ITGA10: variants seen among roughly 807,000 people sequenced by gnomAD.
The protein encoded by ITGA10 is integrin subunit alpha 10.
A neutral mutation model predicts 145.2 loss-of-function variants in ITGA10; 105 were observed. That is an observed-to-expected ratio of 0.72 (90% confidence interval 0.62 to 0.85). The LOEUF (loss-of-function observed/expected upper bound fraction) is 0.85. ITGA10 is among the 40% of genes least tolerant of loss of function. The pLI is 0.00. For synonymous variants in ITGA10, 506 were observed against 557.8 expected (o/e 0.91, Z 1.31); for missense variants, 1,317 against 1,444.5 (o/e 0.91, Z 1.43).
Position 145,897,858 on chromosome 1 carries a change from T to C in ITGA10, c.2389A>G (p.Thr797Ala), listed in dbSNP as rs782497241. 7 of 1,614,032 alleles carry C rather than the reference T, an allele frequency of 4.3e-6. No homozygotes were observed. Among genetic ancestry groups the C allele is most frequent in the Non-Finnish European group, 5.9e-6 (7 of 1,180,008 alleles). Residue 797 changes from threonine to alanine, a missense_variant, in exon 19 of 30, where the codon ACA becomes GCA. Thr to Ala is a moderately conservative substitution (Grantham distance 58). Transcript: ENST00000369304. ...ATATTCACTTGAAGCACCAGGTCTG[T>C]GACACATTCATTGTCAGGGCCACAA... ...KDCGPDNECV[T>A]DLVLQVNMDI...
At chr1:145,909,820 CA>C (rs1570926009) in intron 1 of ITGA10, 142 bp downstream of exon 1, 1 of 697,210 alleles carries the variant, frequency 1.4e-6, no homozygotes, top group East Asian at 2.7e-5. Flanking sequence ...TGCACAAGGA[CA>C]CAGACACACA....
Position 145,895,721 on chromosome 1 carries a change from G to A in ITGA10, c.3034-10C>T, listed in dbSNP as rs1553744769. The A allele has an allele frequency of 2.5e-6, 4 of 1,614,006 alleles. No individual in the cohort carries two copies. The South Asian group carries it at 4.4e-5, about 18-fold the overall frequency. On this transcript the variant is annotated splice_polypyrimidine_tract_variant and intron_variant, in intron 25 of 29. Transcript: ENST00000369304. ...GCACTATGCAGCTTGCCTAGAGGAA[G>A]ATCCAACTTGAAAGACCCTCCTGAT...
Position 145,892,816 on chromosome 1 carries a change from TTC to T in ITGA10, c.3484_3485del (p.Glu1162ArgfsTer10). The T allele has an allele frequency of 6.2e-7, 1 of 1,613,656 alleles. No individual in the cohort carries two copies. Among genetic ancestry groups the T allele is most frequent in the African/African-American group, 1.3e-5 (1 of 75,024 alleles). ...HKKIPEEEKR[E>X]EKLEQ Reference sequence around the variant, plus strand: ...TCTACATTCATTGCTCCAACTTCTCTTCTCTTTTTTCTTCCTCAGGGATTTTC... The same window carrying T: ...TCTACATTCATTGCTCCAACTTCTCTTCTTTTTTCTTCCTCAGGGATTTTC... On this transcript the variant is annotated frameshift_variant, in exon 30 of 30. Coordinates refer to ENST00000369304, the MANE Select transcript of ITGA10 (RefSeq NM_003637.5). LOFTEE classifies it high-confidence loss of function.
chr1:145,907,370 C>T lies in ITGA10; in HGVS notation c.148G>A (p.Gly50Arg). ...EFGYSVLQHV[G>R]GGQRWMLVGA... ...CTTCCTCACCATCGCTGTCCACCCC[C>T]AACATGTTGTAAGACACTGTATCCA... The change falls in exon 2 of 30, where the codon GGG becomes AGG. Residue 50 changes from glycine (G) to arginine (R), a missense_variant. Transcript: ENST00000369304. The T allele has an allele frequency of 1.2e-6, 2 of 1,614,188 alleles. No individual in the cohort carries two copies. The highest frequency in any genetic ancestry group is 1.7e-6 in the Non-Finnish European group (2 of 1,180,026).
In ITGA10 at chr1:145,904,683, C is replaced by T. The variant is rs1553750488; in HGVS notation, c.609+1G>A. ...GCCCAGCTCATATTGCCTTCTCTTA[C>T]CTGTATCTGTTCTGGGTCAATAAAC... On this transcript the variant is annotated splice_donor_variant, in intron 6 of 29. Coordinates refer to ENST00000369304, the MANE Select transcript of ITGA10 (RefSeq NM_003637.5). LOFTEE classifies it high-confidence loss of function. 6.2e-7 allele frequency: 1 copy of T among 1,613,796 alleles called. No individual in the cohort carries two copies. The highest frequency in any genetic ancestry group is 8.5e-7 in the Non-Finnish European group (1 of 1,179,880).
At chr1:145,909,580 TTA>T (rs61635865) in intron 1 of ITGA10, among the ~76,000 whole-genome samples, 7 of 118,772 alleles carry the variant, frequency 5.9e-5, no homozygotes, top group African/African-American at 2.4e-4. Flanking sequence ...TAATATATAA[TTA>T]TGTTACATAT....
Position 145,902,634 on chromosome 1 carries a change from G to A in ITGA10, c.910-15C>T. ...TGACCAAGGACCTAAGAGGTCATAA[G>A]ATCAAGGAATGAGGCATTAGAGTTG... On this transcript the variant is annotated splice_polypyrimidine_tract_variant and intron_variant, in intron 8 of 29. Coordinates refer to ENST00000369304, the MANE Select transcript of ITGA10 (RefSeq NM_003637.5). 1 of 1,586,212 alleles carries A rather than the reference G, an allele frequency of 6.3e-7. No individual in the cohort carries two copies. Among genetic ancestry groups the A allele is most frequent in the South Asian group, 1.2e-5 (1 of 85,060 alleles).
chr1:145,904,604 G>T, intron 6 of ITGA10, 80 bp downstream of exon 6: 2 of 1,488,816 alleles, frequency 1.3e-6, no homozygotes, highest in African/African-American at 1.4e-5. Flanking sequence ...TGAACTCCTG[G>T]CCTCAGGGGA....
Position 145,904,216 on chromosome 1 carries a change from A to C in ITGA10, c.610-16T>G. ...CCAGTCCCACCTGGGAATAAAGCGCATTCAAATGAAATGTATGTATGTGAG... is the reference window on the plus strand; with the variant it reads ...CCAGTCCCACCTGGGAATAAAGCGCCTTCAAATGAAATGTATGTATGTGAG... On this transcript the variant is annotated splice_polypyrimidine_tract_variant and intron_variant, in intron 6 of 29. Transcript: ENST00000369304. 1.2e-6 allele frequency: 2 copies of C among 1,613,734 alleles called. No homozygotes were observed. The highest frequency in any genetic ancestry group is 1.7e-6 in the Non-Finnish European group (2 of 1,179,626).
chr1:145,899,128 G>A (rs587702393), intron 16 of ITGA10, 47 bp downstream of exon 16: 1 of 1,614,112 alleles, frequency 6.2e-7, no homozygotes, highest in Non-Finnish European at 8.5e-7. Flanking sequence ...AGTGAGGAAG[G>A]CATGCAAGGA....
intron 7 of ITGA10, among the ~76,000 whole-genome samples, chr1:145,903,839 G>A (rs587754476): frequency 3.9e-5 from 6 of 151,980 alleles, no homozygotes; most frequent in Middle Eastern, 3.4e-3. Flanking sequence ...ACAGGCATGC[G>A]CCACCATGCC....
intron 18 of ITGA10, 31 bp downstream of exon 18, chr1:145,898,079 G>C: frequency 6.6e-7 from 1 of 1,512,122 alleles, no homozygotes; most frequent in Non-Finnish European, 9.2e-7. Context: ...GGCAGTGTTG[G>C]GAGCAAGGGG....
intron 19 of ITGA10, 52 bp from the exon 20 acceptor site, chr1:145,897,705 A>G (rs368949239): frequency 8.7e-6 from 14 of 1,613,118 alleles, no homozygotes; most frequent in Admixed American, 3.3e-5. Flanking sequence ...GGGAGTGCCA[A>G]AAGTCTCACT....
Position 145,899,456 on chromosome 1 carries a change from T to C in ITGA10, c.1923-115A>G, listed in dbSNP as rs1655921494. The C allele has an allele frequency of 5.2e-6, 6 of 1,143,312 alleles. No individual in the cohort carries two copies. In the South Asian group the frequency reaches 8.7e-5, roughly 17 times the overall value. 70.8% of individuals were successfully genotyped at this position (1,143,312 alleles called of 1,614,324 possible). On this transcript the variant is annotated intron_variant, in intron 15 of 29. Transcript: ENST00000369304. ...CAAAGAAGGAGGGGCTGAATGCACA[T>C]GTCACCCTCCCCCGAACCCTCTGAC...
Position 145,902,001 on chromosome 1 carries a change from C to T in ITGA10, c.1170G>A (p.Met390Ile), listed in dbSNP as rs1553748920. ...HRLKDGILFG[M>I]VGAYDWGGSV... Reference sequence around the variant, plus strand: ...AGCCTCCCCAGTCATAGGCCCCCACCATCCCAAAAAGAATCCCATCCTGTG... The same window carrying T: ...AGCCTCCCCAGTCATAGGCCCCCACTATCCCAAAAAGAATCCCATCCTGTG... The change falls in exon 11 of 30, where the codon ATG becomes ATA. Residue 390 changes from methionine to isoleucine, a missense_variant. Transcript: ENST00000369304. 2 of 1,614,004 alleles carry T rather than the reference C, an allele frequency of 1.2e-6. No homozygotes were observed. The highest frequency in any genetic ancestry group is 1.7e-6 in the Non-Finnish European group (2 of 1,180,018).
Position 145,907,456 on chromosome 1 carries a change from G to A in ITGA10, c.62C>T (p.Ser21Phe), listed in dbSNP as rs868977455. The A allele has an allele frequency of 6.2e-7, 1 of 1,614,110 alleles. No homozygotes were observed. Among genetic ancestry groups the A allele is most frequent in the East Asian group, 2.2e-5 (1 of 44,878 alleles). Reference protein sequence around the residue: ...LPLVFLTGLCSPFNLDEHHPR... With the variant: ...LPLVFLTGLCFPFNLDEHHPR... ...GTGATGTTCATCCAGGTTAAAGGGGGAGCAGAGACCTGTGGGGTCAGGATC... is the reference window on the plus strand; with the variant it reads ...GTGATGTTCATCCAGGTTAAAGGGGAAGCAGAGACCTGTGGGGTCAGGATC... Residue 21 changes from serine (S) to phenylalanine (F), a missense_variant, in exon 2 of 30, where the codon TCC becomes TTC. Coordinates refer to ENST00000369304, the MANE Select transcript of ITGA10 (RefSeq NM_003637.5).
chr1:145,895,887 G>C, intron 25 of ITGA10, 96 bp downstream of exon 25: 1 of 1,080,858 alleles, frequency 9.3e-7, no homozygotes, highest in African/African-American at 1.6e-5. Flanking sequence ...CCCAAGAGCA[G>C]AGGCCCAACA....
In ITGA10 at chr1:145,897,539, G is replaced by T; in HGVS notation, c.2547C>A (p.Asn849Lys). 1 of 1,614,050 alleles carries T rather than the reference G, an allele frequency of 6.2e-7. No homozygotes were observed. The highest frequency in any genetic ancestry group is 8.5e-7 in the Non-Finnish European group (1 of 1,180,016). The change falls in exon 20 of 30, where the codon AAC becomes AAA. Residue 849 changes from asparagine (N) to lysine (K), a missense_variant. Transcript: ENST00000369304. Reference sequence around the variant, plus strand: ...GAGGAGTGAGACTGGCCAGGTGGAGGTTTCTAGAGAAGATGAGACTCAGGC... The same window carrying T: ...GAGGAGTGAGACTGGCCAGGTGGAGTTTTCTAGAGAAGATGAGACTCAGGC... ...NTSLSLIFSR[N>K]LHLASLTPQR...
chr1:145,902,670 C>A lies in ITGA10; in HGVS notation c.910-51G>T, dbSNP rs782578182. 6 of 1,549,398 alleles carry A rather than the reference C, an allele frequency of 3.9e-6. No individual in the cohort carries two copies. The South Asian group carries it at 7.5e-5, about 19-fold the overall frequency. On this transcript the variant is annotated intron_variant, in intron 8 of 29. Coordinates refer to ENST00000369304, the MANE Select transcript of ITGA10 (RefSeq NM_003637.5). ...GAGGCATTAGAGTTGGTACAGAACA[C>A]AGCCAACTAACATGCTGTGGCTGAA... is the stretch of plus-strand genomic sequence containing the variant.
Sources: allele counts gnomAD v4.1 joint callset (sites outside exome capture counted in the v4.1 genomes callset), GRCh38; gene constraint gnomAD v4.1.1; transcripts MANE v1.5; gene names NCBI Gene and HGNC (gene_info 2026-07-23, HGNC 2026-07-21).